Variants in NFIA observed in about 807,000 individuals in gnomAD.
The protein encoded by NFIA is nuclear factor I A.
NFIA carries 8 observed loss-of-function variants against 62.8 expected under a neutral mutation model. The ratio of observed to expected loss-of-function variants is 0.13; its 90% CI spans 0.07 to 0.23. NFIA has a LOEUF of 0.23. NFIA is among the 10% of genes least tolerant of loss of function. The probability of loss-of-function intolerance (pLI) is 1.00; values close to 1 mark genes in which losing one functional copy is unlikely to be tolerated. For missense variants in NFIA, 410 were observed against 642.1 expected (o/e 0.64, Z 3.91); for synonymous variants, 235 against 238.1 (o/e 0.99, Z 0.12).
At chr1:61,421,895 C>T (rs762024664) in intron 9 of NFIA, among the ~76,000 whole-genome samples, 22 of 152,182 alleles carry the variant, frequency 1.4e-4, no homozygotes, top group Non-Finnish European at 2.8e-4. Context: ...GCTTTCAAAA[C>T]AAACCAATGT....
rs1668282409 is a variant in NFIA at position 61,455,890 on chromosome 1, A to T, written c.*570A>T. On this transcript the variant is annotated 3_prime_UTR_variant, in exon 11 of 11. Coordinates refer to ENST00000403491, the MANE Select transcript of NFIA (RefSeq NM_001134673.4). The stretch of plus-strand genomic sequence containing the variant: ...ATATTCCTTTTTTATTTGTTCCTTT[A>T]GTTTGTTTTGGTTCAGCAGTCAGCA... 1 of 153,148 alleles carries T rather than the reference A, an allele frequency of 6.5e-6. No individual in the cohort carries two copies. The highest frequency in any genetic ancestry group is 1.5e-5 in the Non-Finnish European group (1 of 68,424). The allele number at this position is 153,148 out of a possible 1,614,324, so 9.5% of individuals were successfully genotyped here. A position where few individuals can be genotyped will look rare whatever the true frequency, so the allele number is the denominator to read the frequency against.
At chr1:61,177,653 T>TTGTGTGTGTGTGTGTGTGTG (rs56299869) in intron 2 of NFIA, among the ~76,000 whole-genome samples, 13 of 146,054 alleles carry the variant, frequency 8.9e-5, no homozygotes, top group Non-Finnish European at 1.2e-4. Context: ...GTTTTCTCTA[T>TTGTGTGTGTGTGTGTGTGTG]TGTGTGTGTG....
chr1:61,315,170 T>G (rs1396261687), intron 3 of NFIA, among the ~76,000 whole-genome samples: 2 of 152,214 alleles, frequency 1.3e-5, no homozygotes, highest in Non-Finnish European at 2.9e-5. Context: ...TGCTATTGGC[T>G]TCACCAGCTG....
At chr1:61,412,988 A>G (rs952640709) in intron 9 of NFIA, among the ~76,000 whole-genome samples, 1 of 152,218 alleles carries the variant, frequency 6.6e-6, no homozygotes, top group African/African-American at 2.4e-5. Flanking sequence ...TAATCTAGAG[A>G]TATAATAGAA....
intron 2 of NFIA, among the ~76,000 whole-genome samples, chr1:61,185,685 T>TA (rs1255743103): frequency 1.4e-5 from 2 of 147,834 alleles, no homozygotes; most frequent in African/African-American, 5.0e-5. Context: ...GCTCCAGCCA[T>TA]ACTGGTTTCC....
Position 61,365,893 on chromosome 1 carries a change from C to T in NFIA, c.946+6619C>T, listed in dbSNP as rs546338039. 4.6e-5 allele frequency among the ~76,000 whole-genome samples: 7 copies of T among 152,168 alleles called. No individual in the cohort carries two copies. In the East Asian group the frequency reaches 1.4e-3, roughly 29 times the overall value. Reference sequence around the variant, plus strand: ...GGATTACTGAGGCAGCCAGGCTTACCCAGCTGAGGGTAGTTGAAAGCAGAC... The same window carrying T: ...GGATTACTGAGGCAGCCAGGCTTACTCAGCTGAGGGTAGTTGAAAGCAGAC... On this transcript the variant is annotated intron_variant, in intron 6 of 10. Coordinates refer to ENST00000403491, the MANE Select transcript of NFIA (RefSeq NM_001134673.4).
intron 2 of NFIA, among the ~76,000 whole-genome samples, chr1:61,223,299 T>A (rs1181852859): frequency 6.6e-6 from 1 of 152,020 alleles, no homozygotes; most frequent in African/African-American, 2.4e-5. Context: ...AAAAATAAAA[T>A]AGAGCAAATG....
chr1:61,375,671 A>G (rs1664115777), intron 6 of NFIA, among the ~76,000 whole-genome samples: 1 of 152,234 alleles, frequency 6.6e-6, no homozygotes, highest in East Asian at 1.9e-4. Context: ...TAAGGACTGC[A>G]CTGCCTCAGG....
chr1:61,163,698 A>G (rs1301677077), intron 2 of NFIA, among the ~76,000 whole-genome samples: 1 of 152,216 alleles, frequency 6.6e-6, no homozygotes, highest in Non-Finnish European at 1.5e-5. Flanking sequence ...TATGCTGGAC[A>G]CCTGCATTCT....
At chr1:61,358,339 A>T (rs1663074047) in intron 5 of NFIA, among the ~76,000 whole-genome samples, 1 of 143,394 alleles carries the variant, frequency 7.0e-6, no homozygotes, top group African/African-American at 2.6e-5. Flanking sequence ...AGAAAAAAAA[A>T]GCAATCCAAA....
Position 61,244,384 on chromosome 1 carries a change from A to G in NFIA, c.560-33136A>G, listed in dbSNP as rs909578032. ...GTGTCCTTCTGCCAAGGCCTTAGAC[A>G]CTGTCTGTTTTCATTCTTTTGTAGG... On this transcript the variant is annotated intron_variant, in intron 2 of 10. Coordinates refer to ENST00000403491, the MANE Select transcript of NFIA (RefSeq NM_001134673.4). Among the ~76,000 whole-genome samples the G allele has an allele frequency of 5.9e-5, 9 of 152,154 alleles. 1 individual carries two copies. The highest frequency in any genetic ancestry group is 1.7e-4 in the African/African-American group (7 of 41,448).
At chr1:61,394,966 G>A (rs1665190125) in intron 7 of NFIA, among the ~76,000 whole-genome samples, 1 of 152,164 alleles carries the variant, frequency 6.6e-6, no homozygotes, top group South Asian at 2.1e-4. Flanking sequence ...AATTAGCCGA[G>A]CGTGGTGGCA....
chr1:61,259,777 G>A (rs566822999), intron 2 of NFIA, among the ~76,000 whole-genome samples: 12 of 152,274 alleles, frequency 7.9e-5, no homozygotes, highest in African/African-American at 2.4e-4. Flanking sequence ...CAGTTTAACC[G>A]AAATCTTTTC....
chr1:61,402,039 T>C (rs1468501553), intron 7 of NFIA, among the ~76,000 whole-genome samples: 1 of 135,626 alleles, frequency 7.4e-6, no homozygotes, highest in Non-Finnish European at 1.5e-5. Context: ...TTTTCTTTTT[T>C]TTTTTTTTTT....
intron 3 of NFIA, among the ~76,000 whole-genome samples, chr1:61,307,344 A>G (rs1443941650): frequency 2.0e-5 from 3 of 152,172 alleles, no homozygotes; most frequent in Non-Finnish European, 2.9e-5. Flanking sequence ...GGACGGTGTG[A>G]TCTATGAGGA....
intron 2 of NFIA, among the ~76,000 whole-genome samples, chr1:61,136,079 T>G (rs1190992035): frequency 2.0e-5 from 3 of 152,246 alleles, no homozygotes; most frequent in Non-Finnish European, 4.4e-5. Flanking sequence ...TCTGCATTTG[T>G]CCATGCATTC....
chr1:61,225,441 G>A (rs1012804388), intron 2 of NFIA, among the ~76,000 whole-genome samples: 3 of 151,870 alleles, frequency 2.0e-5, no homozygotes, highest in Non-Finnish European at 4.4e-5. Flanking sequence ...AGTAGAGACG[G>A]GGTTTCACCA....
chr1:61,291,914 T>C (rs550251457), intron 3 of NFIA, among the ~76,000 whole-genome samples: 5 of 152,162 alleles, frequency 3.3e-5, no homozygotes, highest in Non-Finnish European at 7.3e-5. Flanking sequence ...ATTGAGTAAA[T>C]ATGTATTATA....
intron 10 of NFIA, among the ~76,000 whole-genome samples, chr1:61,451,838 A>G (rs1012218634): frequency 6.6e-6 from 1 of 152,228 alleles, no homozygotes; most frequent in Non-Finnish European, 1.5e-5. Flanking sequence ...TTAAGGGGCT[A>G]TAAAGTACGA....
Sources: gnomAD v4.1 joint callset for allele counts (sites outside exome capture counted in the v4.1 genomes callset) on GRCh38, gnomAD v4.1.1 for gene constraint, MANE v1.5 for transcripts, NCBI Gene and HGNC (gene_info 2026-07-23, HGNC 2026-07-21) for gene names.